The following ATRNL1 variants were observed in gnomAD, a reference collection of about 807,000 sequenced individuals.
ATRNL1 encodes attractin like 1.
In ATRNL1, 95 loss-of-function variants were observed where a neutral mutation model predicts 182.7. That is an observed-to-expected ratio of 0.52 (90% CI 0.44 to 0.62). The LOEUF is 0.62. Ranked by LOEUF, ATRNL1 falls within the 20% of genes least tolerant of loss-of-function variation. The pLI is 0.00. For missense variants in ATRNL1, 1,471 were observed against 1,679.5 expected, an observed-to-expected ratio of 0.88 and a Z score of 2.17; for synonymous variants, 576 against 568.3, an observed-to-expected ratio of 1.01 and a Z score of -0.19.
At chr10:115,223,687 A>AACTTTGGAATAT (rs1849559634) in intron 9 of ATRNL1, among the ~76,000 whole-genome samples, 2 of 151,772 alleles carry the variant, frequency 1.3e-5, no homozygotes, top group Non-Finnish European at 2.9e-5. Context: ...GGTTTCCAAG[A>AACTTTGGAATAT]ACAAAGGAAC....
At chr10:115,123,295 TG>T (rs141392001) in intron 3 of ATRNL1, among the ~76,000 whole-genome samples, 1,803 of 152,300 alleles carry the variant, frequency 0.012, 35 homozygotes, top group African/African-American at 0.04. Context: ...AAGATCTCGT[TG>T]GGGGAGTACT....
Position 115,181,300 on chromosome 10 carries a change from C to A in ATRNL1, c.1348+10008C>A, listed in dbSNP as rs530703863. On this transcript the variant is annotated intron_variant, in intron 8 of 28. Coordinates refer to ENST00000355044, the MANE Select transcript of ATRNL1 (RefSeq NM_207303.4). ...AAATCAGAGATAAGAACATTGACAG[C>A]TGCATATGTAATAGATAGGAATCAA... Among the ~76,000 whole-genome samples the A allele has an allele frequency of 1.2e-3, 185 of 151,942 alleles. 1 individual carries two copies. In the Middle Eastern group the frequency reaches 0.014, roughly 11 times the overall value.
chr10:115,581,900 C>G (rs1296393504), intron 26 of ATRNL1, among the ~76,000 whole-genome samples: 4 of 121,266 alleles, frequency 3.3e-5, no homozygotes, highest in South Asian at 3.4e-4. Flanking sequence ...CCCCCTCCCC[C>G]CACCCCACAA....
chr10:115,138,645 G>A (rs1191990851), intron 5 of ATRNL1, among the ~76,000 whole-genome samples: 1 of 152,212 alleles, frequency 6.6e-6, no homozygotes, highest in African/African-American at 2.4e-5. Context: ...TCCCTAGGCT[G>A]TACAGAGCAG....
chr10:115,838,331 G>C (rs74900437), intron 27 of ATRNL1, among the ~76,000 whole-genome samples: 13,934 of 152,252 alleles, frequency 0.092, 1,990 homozygotes, highest in African/African-American at 0.3. Context: ...TGGTACATGG[G>C]ATTGGTAATG....
chr10:115,190,888 G>C (rs1848144471), intron 8 of ATRNL1, among the ~76,000 whole-genome samples: 1 of 151,886 alleles, frequency 6.6e-6, no homozygotes, highest in Admixed American at 6.6e-5. Context: ...ACCTTTCCTA[G>C]CCTCTAGCAA....
chr10:115,378,534 G>A (rs12266411), intron 19 of ATRNL1, among the ~76,000 whole-genome samples: 1,975 of 152,256 alleles, frequency 0.013, 39 homozygotes, highest in African/African-American at 0.046. Flanking sequence ...ATGTGCTGTT[G>A]GACTGAGTCT....
chr10:115,287,922 C>CTTTTTTTTTT (rs1564882629), intron 15 of ATRNL1, among the ~76,000 whole-genome samples: 1 of 128,464 alleles, frequency 7.8e-6, no homozygotes, highest in Non-Finnish European at 1.6e-5. Flanking sequence ...ATAAGATCAA[C>CTTTTTTTTTT]TGTTTTTTTT....
Position 115,464,806 on chromosome 10 carries a change from T to A in ATRNL1, c.3418-2368T>A, listed in dbSNP as rs534237533. ...CTGATTTCACCATCCTTTACTTTCA[T>A]AAAAAAGTGACTTTTTGGATCCGTT... On this transcript the variant is annotated intron_variant, in intron 22 of 28. Coordinates refer to ENST00000355044, the MANE Select transcript of ATRNL1 (RefSeq NM_207303.4). Among the ~76,000 whole-genome samples the A allele has an allele frequency of 2.6e-5, 4 of 151,270 alleles. No homozygotes were observed. In the South Asian group the frequency reaches 8.4e-4, roughly 32 times the overall value.
At chr10:115,534,062 G>GA (rs1475725329) in intron 25 of ATRNL1, among the ~76,000 whole-genome samples, 72 of 151,912 alleles carry the variant, frequency 4.7e-4, no homozygotes, top group African/African-American at 1.7e-3. Context: ...GTGTGGTGCT[G>GA]AAAAAAATGT....
intron 24 of ATRNL1, among the ~76,000 whole-genome samples, chr10:115,490,187 C>A (rs573846287): frequency 1.6e-3 from 239 of 152,192 alleles, no homozygotes; most frequent in African/African-American, 5.5e-3. Flanking sequence ...ATTGGTGAAT[C>A]TGATGATTAT....
chr10:115,379,764 A>G (rs1857884749), intron 19 of ATRNL1, among the ~76,000 whole-genome samples: 1 of 152,162 alleles, frequency 6.6e-6, no homozygotes, highest in Non-Finnish European at 1.5e-5. Flanking sequence ...CCCACAGCTA[A>G]TTCTACAAAC....
At chr10:115,284,894 T>A (rs2133934909) in intron 14 of ATRNL1, among the ~76,000 whole-genome samples, 1 of 152,290 alleles carries the variant, frequency 6.6e-6, no homozygotes, top group Admixed American at 6.5e-5. Context: ...ACAGAAATAT[T>A]AAAAAACAGA....
intron 27 of ATRNL1, among the ~76,000 whole-genome samples, chr10:115,819,057 G>A (rs1236470903): frequency 6.6e-6 from 1 of 152,024 alleles, no homozygotes; most frequent in African/African-American, 2.4e-5. Flanking sequence ...TTGCCCTTGT[G>A]TTAAGGATGA....
At chr10:115,892,431 G>A (rs1952101892) in intron 28 of ATRNL1, among the ~76,000 whole-genome samples, 4 of 152,050 alleles carry the variant, frequency 2.6e-5, no homozygotes, top group South Asian at 2.1e-4. Flanking sequence ...GTAGCTACCA[G>A]CAATTTTAAT....
chr10:115,843,041 G>A (rs1426677397), intron 27 of ATRNL1, among the ~76,000 whole-genome samples: 3 of 151,922 alleles, frequency 2.0e-5, no homozygotes, highest in African/African-American at 4.8e-5. Context: ...GAGAAACTTG[G>A]TCATGCCTTG....
chr10:115,545,766 A>G (rs942692122), intron 25 of ATRNL1, among the ~76,000 whole-genome samples: 7 of 152,228 alleles, frequency 4.6e-5, no homozygotes, highest in Admixed American at 2.0e-4. Flanking sequence ...TTCTATATAC[A>G]CTATTATTTG....
intron 10 of ATRNL1, among the ~76,000 whole-genome samples, chr10:115,243,015 C>T (rs900443079): frequency 2.6e-5 from 4 of 151,700 alleles, no homozygotes; most frequent in Non-Finnish European, 4.4e-5. Context: ...ATTGTTTTGG[C>T]TATGGTGATA....
chr10:115,299,338 T>G (rs1260795395), intron 15 of ATRNL1, among the ~76,000 whole-genome samples: 1 of 152,064 alleles, frequency 6.6e-6, no homozygotes, highest in African/African-American at 2.4e-5. Flanking sequence ...TTTGAAATAT[T>G]ACAGCATTAA....
Sources: gnomAD v4.1 joint callset for allele counts (sites outside exome capture counted in the v4.1 genomes callset) on GRCh38, gnomAD v4.1.1 for gene constraint, MANE v1.5 for transcripts, NCBI Gene and HGNC (gene_info 2026-07-23, HGNC 2026-07-21) for gene names.